SBNO1: variants seen among roughly 807,000 people sequenced by gnomAD.
SBNO1 encodes protein strawberry notch homolog 1.
SBNO1 carries 23 observed loss-of-function variants against 173.6 expected under a neutral mutation model. That is an observed-to-expected ratio of 0.13 (90% CI 0.10 to 0.19). The LOEUF is 0.19. Among genes scored for constraint, SBNO1 ranks in the 10% least tolerant of loss-of-function variants. The pLI, the probability that SBNO1 is intolerant of heterozygous loss-of-function variation, is 1.00. For synonymous variants in SBNO1, 632 were observed against 571.5 expected (o/e 1.11, Z -1.51); for missense variants, 1,238 against 1,671.2 (o/e 0.74, Z 4.52).
At chr12:123,321,428 A>G in intron 17 of SBNO1, 107 bp downstream of exon 17, 1 of 820,838 alleles carries the variant, frequency 1.2e-6, no homozygotes, top group Non-Finnish European at 1.9e-6. Context: ...CAAAGATTAT[A>G]ATCTGTGTGA....
intron 1 of SBNO1, among the ~76,000 whole-genome samples, chr12:123,362,435 CAAAAAAAAAAAAAA>C (rs56019572): frequency 1.1e-3 from 54 of 49,742 alleles, no homozygotes; most frequent in African/African-American, 4.0e-3. Flanking sequence ...GACTCCGTCT[CAAAAAAAAAAAAAA>C]AAAAAAAAAA....
rs1489727646 is a variant in SBNO1, at chr12:123,327,954, A to G, written c.1370T>C (p.Leu457Ser). ...VGSSKPTKTG[L>S]AVLELQNKLP... ...TTTGTTCTGAAGCTCTAAAACTGCT[A>G]AGCCTGTCTTGGTTGGCTTTGAAGA... The change falls in exon 11 of 32, where the codon TTA (leucine) becomes TCA (serine). Residue 457 changes from leucine to serine, a missense_variant. Coordinates refer to ENST00000602398, the MANE Select transcript of SBNO1 (RefSeq NM_001167856.3). 1 of 1,613,386 alleles carries G rather than the reference A, an allele frequency of 6.2e-7. No individual in the cohort carries two copies. The highest frequency in any genetic ancestry group is 1.3e-5 in the African/African-American group (1 of 74,940).
intron 16 of SBNO1, among the ~76,000 whole-genome samples, chr12:123,322,878 T>A: frequency 6.9e-6 from 1 of 144,350 alleles, no homozygotes. Flanking sequence ...GGAGACCCTG[T>A]CTCAAAAAAA....
chr12:123,348,891 T>TG (rs1873544034), intron 2 of SBNO1: 1 of 150,232 alleles, frequency 6.7e-6, no homozygotes, highest in Admixed American at 6.7e-5. Flanking sequence ...ACCTGAGAGG[T>TG]GGAGGTTGCA....
At position 123,309,254 on chromosome 12, in the gene SBNO1, T is replaced by C. The variant is rs965877984; in HGVS notation, c.3630+56A>G. Reference sequence around the variant, plus strand: ...GTACAAAGTGAAGAGACAATTACAATGCTGGCCATTAAAAAGTATTATATA... The same window carrying C: ...GTACAAAGTGAAGAGACAATTACAACGCTGGCCATTAAAAAGTATTATATA... On this transcript the variant is annotated intron_variant, in intron 28 of 31. Coordinates refer to ENST00000602398, the MANE Select transcript of SBNO1 (RefSeq NM_001167856.3). The C allele has an allele frequency of 3.2e-5, 40 of 1,255,988 alleles. No individual in the cohort carries two copies. In the South Asian group the frequency reaches 3.4e-4, roughly 11 times the overall value. 77.8% of individuals were successfully genotyped at this position (1,255,988 alleles called of 1,614,324 possible).
At chr12:123,320,220 C>A (rs1007491718) in intron 19 of SBNO1, among the ~76,000 whole-genome samples, 189 bp from the exon 20 acceptor site, 1 of 152,114 alleles carries the variant, frequency 6.6e-6, no homozygotes, top group South Asian at 2.1e-4. Flanking sequence ...ACAAAAGATG[C>A]GTGATAAGTG....
chr12:123,302,706 C>G (rs531567338), intron 30 of SBNO1, 118 bp downstream of exon 30: 2 of 738,324 alleles, frequency 2.7e-6, no homozygotes, highest in Non-Finnish European at 4.9e-6. Flanking sequence ...GAACACACCA[C>G]GCCTGACAAT....
At chr12:123,331,454 T>C (rs935302961) in intron 7 of SBNO1, 79 bp from the exon 8 acceptor site, 2 of 1,162,848 alleles carry the variant, frequency 1.7e-6, no homozygotes, top group South Asian at 2.8e-5. Context: ...GTTTTAGGAG[T>C]AGGAATATGT....
chr12:123,358,941 G>A (rs1874794270), intron 1 of SBNO1, among the ~76,000 whole-genome samples: 1 of 151,406 alleles, frequency 6.6e-6, no homozygotes, highest in Admixed American at 6.6e-5. Flanking sequence ...ATCAGGTTTT[G>A]TTTTGTTTTG....
intron 1 of SBNO1, chr12:123,364,416 G>A (rs2139128501): frequency 7.1e-6 from 7 of 985,470 alleles, no homozygotes; most frequent in Non-Finnish European, 8.4e-6. Context: ...CCTCCGGCCC[G>A]GGACAGCGGG....
chr12:123,302,791 G>C (rs753837134), intron 30 of SBNO1, 33 bp downstream of exon 30: 1 of 1,481,144 alleles, frequency 6.8e-7, no homozygotes, highest in Non-Finnish European at 9.4e-7. Context: ...ATTAAATTTT[G>C]GAAAATTTGG....
At chr12:123,355,296 G>A (rs1319257998) in intron 1 of SBNO1, among the ~76,000 whole-genome samples, 1 of 152,018 alleles carries the variant, frequency 6.6e-6, no homozygotes, top group Non-Finnish European at 1.5e-5. Context: ...TGGGATTGCA[G>A]GCATAAGCCA....
At chr12:123,319,801 G>T in intron 20 of SBNO1, 99 bp downstream of exon 20, 1 of 986,508 alleles carries the variant, frequency 1.0e-6, no homozygotes, top group Non-Finnish European at 1.5e-6. Context: ...AATACTCAAT[G>T]GACATGACTT....
intron 17 of SBNO1, among the ~76,000 whole-genome samples, 199 bp from the exon 18 acceptor site, chr12:123,321,065 G>C (rs1869909148): frequency 6.6e-6 from 1 of 152,050 alleles, no homozygotes; most frequent in Admixed American, 6.6e-5. Context: ...TCAGCCTCCT[G>C]AGTAGCTGGG....
Position 123,341,071 on chromosome 12 carries a change from T to A in SBNO1, c.568A>T (p.Thr190Ser), listed in dbSNP as rs775433568. ...TTATTAGAAGACTCTTTCTTTACTG[T>A]ACCATTGCTTACATCAGCTGAGGAG... ...ATAATDVSNG[T>S]VKKESSNKEG... The change falls in exon 5 of 32, where the codon ACA becomes TCA. Residue 190 changes from threonine (T) to serine (S), a missense_variant. By Grantham distance (58) the Thr-to-Ser change is moderately conservative. Coordinates refer to ENST00000602398, the MANE Select transcript of SBNO1 (RefSeq NM_001167856.3). 2.5e-6 allele frequency: 4 copies of A among 1,572,454 alleles called. No individual in the cohort carries two copies. The East Asian group carries it at 9.0e-5, about 35-fold the overall frequency.
Position 123,328,984 on chromosome 12 carries a change from CTT to C in SBNO1, c.1135-91_1135-90del, listed in dbSNP as rs563367754. On this transcript the variant is annotated intron_variant, in intron 9 of 31. Transcript: ENST00000602398. ...AACTAAACATTCACAAGCAGGAACT[CTT>C]GTTAGGCCCATGACAGGCTTCAGAA... 307 of 731,540 alleles carry C rather than the reference CTT, an allele frequency of 4.2e-4. 5 individuals are homozygous for C. In the South Asian group the frequency reaches 6.1e-3, roughly 15 times the overall value. The allele number at this position is 731,540 out of a possible 1,614,324, so 45.3% of individuals were successfully genotyped here. A position where few individuals can be genotyped will look rare whatever the true frequency, so the allele number is the denominator to read the frequency against.
intron 13 of SBNO1, among the ~76,000 whole-genome samples, chr12:123,327,204 T>C (rs1239914686): frequency 6.6e-6 from 1 of 151,848 alleles, no homozygotes; most frequent in Non-Finnish European, 1.5e-5. Context: ...AGAGATGAGG[T>C]TTCAACATGT....
chr12:123,327,396 A>G, intron 13 of SBNO1, 30 bp downstream of exon 13: 1 of 1,580,932 alleles, frequency 6.3e-7, no homozygotes, highest in South Asian at 1.1e-5. Context: ...TACATTAAAT[A>G]AACACTAGGA....
intron 10 of SBNO1, 36 bp downstream of exon 10, chr12:123,328,698 G>A (rs772930614): frequency 3.2e-5 from 46 of 1,415,640 alleles, no homozygotes; most frequent in Middle Eastern, 1.9e-4. Context: ...TTTTCTTGTC[G>A]TTAAAAAATA....
Sources: allele counts gnomAD v4.1 joint callset (sites outside exome capture counted in the v4.1 genomes callset), GRCh38; gene constraint gnomAD v4.1.1; transcripts MANE v1.5; gene names NCBI Gene and HGNC (gene_info 2026-07-23, HGNC 2026-07-21).